Variants in NIPAL2 observed in about 807,000 individuals in gnomAD.
NIPAL2 encodes NIPA like domain containing 2.
Under a neutral mutation model 48.9 loss-of-function variants are expected in NIPAL2, and 43 were observed. That is an observed-to-expected ratio of 0.88 (90% CI 0.69 to 1.13). The LOEUF is 1.13. NIPAL2 is among the 50% of genes most tolerant of loss of function. The pLI is 0.00. For synonymous variants in NIPAL2, 167 were observed against 174.6 expected (o/e 0.96, Z 0.34); for missense variants, 446 against 461.4 (o/e 0.97, Z 0.31).
chr8:98,257,892 C>T (rs527244291), intron 1 of NIPAL2, among the ~76,000 whole-genome samples: 1 of 150,248 alleles, frequency 6.7e-6, no homozygotes, highest in East Asian at 1.9e-4. Flanking sequence ...TTCCGCCTTT[C>T]TAGACGGAAC....
chr8:98,264,719 A>T (rs1278536831), intron 1 of NIPAL2, among the ~76,000 whole-genome samples: 2 of 151,852 alleles, frequency 1.3e-5, no homozygotes, highest in African/African-American at 4.8e-5. Context: ...GGTAATTTAC[A>T]GATTCAATGC....
chr8:98,279,650 T>C (rs1316027416), intron 1 of NIPAL2, among the ~76,000 whole-genome samples: 1 of 152,250 alleles, frequency 6.6e-6, no homozygotes, highest in Non-Finnish European at 1.5e-5. Flanking sequence ...TGAATCACTA[T>C]TTATCTGCAG....
At chr8:98,288,423 C>T (rs1402112731) in intron 1 of NIPAL2, among the ~76,000 whole-genome samples, 1 of 151,710 alleles carries the variant, frequency 6.6e-6, no homozygotes, top group East Asian at 1.9e-4. Flanking sequence ...GCCACATTTT[C>T]TTAATCCAGT....
At chr8:98,266,065 A>T (rs1439884565) in intron 1 of NIPAL2, among the ~76,000 whole-genome samples, 2 of 143,242 alleles carry the variant, frequency 1.4e-5, no homozygotes, top group African/African-American at 5.2e-5. Context: ...TCTCACTCAT[A>T]GGTGGGAATT....
At chr8:98,198,603 G>C (rs947860398) in intron 8 of NIPAL2, among the ~76,000 whole-genome samples, 6 of 152,252 alleles carry the variant, frequency 3.9e-5, no homozygotes, top group African/African-American at 1.4e-4. Flanking sequence ...ATCTTAGCTA[G>C]ATGTTCCAGA....
chr8:98,250,119 G>A (rs1245119718), intron 3 of NIPAL2, among the ~76,000 whole-genome samples: 1 of 152,006 alleles, frequency 6.6e-6, no homozygotes, highest in African/African-American at 2.4e-5. Context: ...CTCTCTCTCT[G>A]TCTCCTACTC....
At chr8:98,268,858 GT>G (rs890493110) in intron 1 of NIPAL2, among the ~76,000 whole-genome samples, 3 of 152,130 alleles carry the variant, frequency 2.0e-5, no homozygotes, top group African/African-American at 7.2e-5. Context: ...ATAGCATTAT[GT>G]TTAAAAATGT....
At chr8:98,222,683 A>G (rs1283116061) in intron 4 of NIPAL2, 83 bp from the exon 5 acceptor site, 67 of 1,378,520 alleles carry the variant, frequency 4.9e-5, no homozygotes, top group Admixed American at 1.9e-5. Flanking sequence ...GAGACTGCGC[A>G]TTACTTGTAA....
intron 1 of NIPAL2, among the ~76,000 whole-genome samples, chr8:98,255,523 C>T (rs1173483599): frequency 1.3e-5 from 2 of 152,080 alleles, no homozygotes; most frequent in East Asian, 3.9e-4. Flanking sequence ...TCAAGTATAG[C>T]ATGAAATTTA....
chr8:98,204,135 T>C (rs146775541), intron 7 of NIPAL2, among the ~76,000 whole-genome samples: 1 of 152,264 alleles, frequency 6.6e-6, no homozygotes, highest in Non-Finnish European at 1.5e-5. Context: ...GGTATGAAGA[T>C]AATGCCACTA....
intron 6 of NIPAL2, among the ~76,000 whole-genome samples, chr8:98,211,998 T>A (rs377320783): frequency 1.3e-5 from 2 of 152,160 alleles, no homozygotes; most frequent in African/African-American, 4.8e-5. Context: ...TACATCTACA[T>A]TTCGTATTAG....
intron 9 of NIPAL2, chr8:98,195,719 A>G: frequency 2.5e-6 from 1 of 397,668 alleles, no homozygotes; most frequent in Non-Finnish European, 4.6e-6. Flanking sequence ...GGAATTGGAA[A>G]TCCCCAATGT....
chr8:98,212,362 G>T, intron 6 of NIPAL2, 43 bp downstream of exon 6: 3 of 1,053,490 alleles, frequency 2.8e-6, no homozygotes, highest in Non-Finnish European at 3.0e-6. Flanking sequence ...TTATGACTCA[G>T]CACAGCTCAA....
intron 1 of NIPAL2, among the ~76,000 whole-genome samples, chr8:98,287,134 A>G (rs962881004): frequency 3.3e-5 from 5 of 152,234 alleles, no homozygotes; most frequent in Non-Finnish European, 7.3e-5. Flanking sequence ...AATAAATGGC[A>G]CAAAGTCTTA....
intron 5 of NIPAL2, among the ~76,000 whole-genome samples, chr8:98,222,099 T>A (rs893764761): frequency 6.6e-6 from 1 of 152,186 alleles, no homozygotes; most frequent in Non-Finnish European, 1.5e-5. Flanking sequence ...GAATACTATG[T>A]AGCCATAAAA....
At chr8:98,280,761 T>TAGAGAGAGAGAGAGAG (rs1554578553) in intron 1 of NIPAL2, among the ~76,000 whole-genome samples, 29 of 29,988 alleles carry the variant, frequency 9.7e-4, no homozygotes, top group African/African-American at 1.7e-3. Flanking sequence ...TATATATATA[T>TAGAGAGAGAGAGAGAG]AGAGAGAGAG....
Position 98,191,342 on chromosome 8 carries a change from C to T in NIPAL2, c.*1636G>A, listed in dbSNP as rs1810298430. The T allele has an allele frequency of 6.6e-6, 1 of 152,168 alleles. No individual in the cohort carries two copies. The highest frequency in any genetic ancestry group is 1.5e-5 in the Non-Finnish European group (1 of 68,040). The allele number at this position is 152,168 out of a possible 1,614,324, so 9.4% of individuals were successfully genotyped here. ...TGCTGGACCAATTCGGTAAAATACA[C>T]CATAAATTATGACTGCTTTATCTGA... On this transcript the variant is annotated 3_prime_UTR_variant, in exon 11 of 11. Coordinates refer to ENST00000430223, the MANE Select transcript of NIPAL2 (RefSeq NM_001321635.2).
intron 1 of NIPAL2, among the ~76,000 whole-genome samples, chr8:98,285,769 A>C (rs914936033): frequency 2.5e-4 from 38 of 152,204 alleles, no homozygotes; most frequent in African/African-American, 8.7e-4. Flanking sequence ...AAGCCTCTTA[A>C]CTTACAAAGC....
At chr8:98,263,648 AC>A (rs1814509732) in intron 1 of NIPAL2, among the ~76,000 whole-genome samples, 1 of 145,948 alleles carries the variant, frequency 6.9e-6, no homozygotes, top group Admixed American at 6.8e-5. Flanking sequence ...TAGTTTACCA[AC>A]CAAAAAGAGT....
Sources: gnomAD v4.1 joint callset for allele counts (sites outside exome capture counted in the v4.1 genomes callset) on GRCh38, gnomAD v4.1.1 for gene constraint, MANE v1.5 for transcripts, NCBI Gene and HGNC (gene_info 2026-07-23, HGNC 2026-07-21) for gene names.